The following ZNRF1 variants were observed in gnomAD, a reference collection of about 807,000 sequenced individuals.
ZNRF1 encodes the protein zinc and ring finger 1, also known as E3 ubiquitin-protein ligase ZNRF1.
A neutral mutation model predicts 18.4 loss-of-function variants in ZNRF1; 3 were observed. The observed-to-expected ratio is 0.16, with a 90% CI of 0.07 to 0.42. The LOEUF (loss-of-function observed/expected upper bound fraction) is 0.42, where lower values mean the gene tolerates loss of function less well. ZNRF1 is among the 10% of genes least tolerant of loss of function. The pLI, the probability that ZNRF1 is intolerant of heterozygous loss-of-function variation, is 0.99. For synonymous variants in ZNRF1, 157 were observed against 144.2 expected, an observed-to-expected ratio of 1.09 and a Z score of -0.64; for missense variants, 310 against 329.8, an observed-to-expected ratio of 0.94 and a Z score of 0.47.
At chr16:75,000,770 C>A (rs2034838231) in intron 1 of ZNRF1, among the ~76,000 whole-genome samples, 1 of 152,198 alleles carries the variant, frequency 6.6e-6, no homozygotes, top group South Asian at 2.1e-4. Flanking sequence ...CTCCGCGACT[C>A]TCGCCTCCCT....
intron 1 of ZNRF1, among the ~76,000 whole-genome samples, chr16:75,019,351 T>C (rs186532453): frequency 6.6e-6 from 1 of 152,094 alleles, no homozygotes; most frequent in African/African-American, 2.4e-5. Context: ...AAATACAGCT[T>C]TTTATTTATT....
At chr16:75,004,662 G>A (rs1054271542) in intron 1 of ZNRF1, among the ~76,000 whole-genome samples, 7 of 152,168 alleles carry the variant, frequency 4.6e-5, no homozygotes, top group African/African-American at 1.7e-4. Flanking sequence ...TGCCCAGGCT[G>A]GAGTGCCATG....
chr16:75,006,248 C>A (rs1474389350), intron 1 of ZNRF1, among the ~76,000 whole-genome samples: 1 of 152,128 alleles, frequency 6.6e-6, no homozygotes, highest in Non-Finnish European at 1.5e-5. Context: ...AACTAAGCTT[C>A]AATTTTGACA....
intron 1 of ZNRF1, among the ~76,000 whole-genome samples, chr16:75,010,906 C>G (rs990228313): frequency 6.6e-6 from 1 of 151,882 alleles, no homozygotes; most frequent in South Asian, 2.1e-4. Flanking sequence ...GATGGGGTTT[C>G]GCCAATTGGC....
intron 3 of ZNRF1, 174 bp from the exon 4 acceptor site, chr16:75,106,308 C>A (rs1206624734): frequency 1.6e-6 from 1 of 641,352 alleles, no homozygotes; most frequent in South Asian, 1.8e-5. Flanking sequence ...GGTGTTCACC[C>A]TTCTTCGTGC....
intron 1 of ZNRF1, among the ~76,000 whole-genome samples, chr16:75,003,929 C>G (rs1037257404): frequency 6.6e-6 from 1 of 151,692 alleles, no homozygotes; most frequent in Non-Finnish European, 1.5e-5. Flanking sequence ...GGGGCACTCT[C>G]TTATAGTTGT....
intron 1 of ZNRF1, among the ~76,000 whole-genome samples, chr16:75,070,385 A>C (rs1027208342): frequency 3.9e-5 from 6 of 152,164 alleles, no homozygotes; most frequent in African/African-American, 1.4e-4. Flanking sequence ...ATATTTCTGA[A>C]ATATAAGCCA....
intron 1 of ZNRF1, among the ~76,000 whole-genome samples, chr16:75,017,167 A>G (rs1044614410): frequency 6.6e-6 from 1 of 152,218 alleles, no homozygotes; most frequent in Non-Finnish European, 1.5e-5. Context: ...AAAAACAACA[A>G]AAACTGGTTA....
chr16:75,018,839 TA>T (rs1305249093), intron 1 of ZNRF1, among the ~76,000 whole-genome samples: 1 of 152,184 alleles, frequency 6.6e-6, no homozygotes, highest in Admixed American at 6.5e-5. Context: ...ATTTCACTCA[TA>T]ATTTTGTTAT....
At chr16:75,059,803 G>A (rs542190631) in intron 1 of ZNRF1, among the ~76,000 whole-genome samples, 7 of 152,190 alleles carry the variant, frequency 4.6e-5, no homozygotes, top group East Asian at 1.9e-4. Flanking sequence ...GGATTTGACC[G>A]CTCCTTTCTC....
intron 1 of ZNRF1, among the ~76,000 whole-genome samples, chr16:75,037,305 C>G (rs943424770): frequency 6.6e-6 from 1 of 152,098 alleles, no homozygotes; most frequent in Non-Finnish European, 1.5e-5. Context: ...GGGAAGTACT[C>G]AGTTTTAATG....
intron 1 of ZNRF1, among the ~76,000 whole-genome samples, chr16:75,027,851 C>T (rs1295484280): frequency 1.3e-5 from 2 of 152,178 alleles, no homozygotes; most frequent in South Asian, 2.1e-4. Context: ...GGGAATCCTG[C>T]TGTATTTCCA....
chr16:75,039,112 A>AT, intron 1 of ZNRF1, among the ~76,000 whole-genome samples: 1 of 152,372 alleles, frequency 6.6e-6, no homozygotes, highest in East Asian at 1.9e-4. Context: ...GTGCAGAATT[A>AT]ATAGTTCCTA....
At chr16:75,077,257 G>A (rs963598943) in intron 1 of ZNRF1, among the ~76,000 whole-genome samples, 19 of 152,242 alleles carry the variant, frequency 1.2e-4, no homozygotes, top group African/African-American at 4.6e-4. Context: ...CTGGGGCTGG[G>A]CGCGGTGGCT....
chr16:75,037,391 C>T (rs1300012756), intron 1 of ZNRF1, among the ~76,000 whole-genome samples: 1 of 152,114 alleles, frequency 6.6e-6, no homozygotes, highest in Non-Finnish European at 1.5e-5. Flanking sequence ...CTCTGTCACC[C>T]AGGATGGAGG....
chr16:75,072,492 G>A (rs1256627396), intron 1 of ZNRF1, among the ~76,000 whole-genome samples: 2 of 152,142 alleles, frequency 1.3e-5, no homozygotes, highest in Non-Finnish European at 1.5e-5. Context: ...TCAGGAAGGA[G>A]CTTAAACTGC....
At chr16:75,103,696 G>GA (rs1023430182) in intron 2 of ZNRF1, among the ~76,000 whole-genome samples, 1 of 152,056 alleles carries the variant, frequency 6.6e-6, no homozygotes, top group African/African-American at 2.4e-5. Flanking sequence ...TTTAAAAGGG[G>GA]AAAAAACGGG....
At chr16:75,012,667 C>G (rs2035013816) in intron 1 of ZNRF1, among the ~76,000 whole-genome samples, 1 of 152,150 alleles carries the variant, frequency 6.6e-6, no homozygotes, top group Admixed American at 6.6e-5. Context: ...TCTCAGTTGC[C>G]TGTCTTAAAC....
chr16:75,023,321 C>G (rs2035178350), intron 1 of ZNRF1, among the ~76,000 whole-genome samples: 1 of 152,198 alleles, frequency 6.6e-6, no homozygotes, highest in African/African-American at 2.4e-5. Flanking sequence ...CCCACATTCA[C>G]ATACCCACAC....
Sources: allele counts gnomAD v4.1 joint callset (sites outside exome capture counted in the v4.1 genomes callset), GRCh38; gene constraint gnomAD v4.1.1; transcripts MANE v1.5; gene names NCBI Gene and HGNC (gene_info 2026-07-23, HGNC 2026-07-21).